The following NELL2 variants were observed in gnomAD, a reference collection of about 807,000 sequenced individuals.
NELL2 encodes protein kinase C-binding protein NELL2.
Under a neutral mutation model 109.6 loss-of-function variants are expected in NELL2, and 41 were observed. The observed-to-expected ratio is 0.37, with a 90% CI of 0.29 to 0.49. The LOEUF is 0.49. Among genes scored for constraint, NELL2 ranks in the 20% least tolerant of loss-of-function variants. The probability of loss-of-function intolerance (pLI) is 0.98; values close to 1 mark genes in which losing one functional copy is unlikely to be tolerated. For synonymous variants in NELL2, 355 were observed against 344.7 expected (o/e 1.03, Z -0.33); for missense variants, 900 against 1,008.3 (o/e 0.89, Z 1.45).
chr12:44,707,054 A>C (rs1001157198), intron 11 of NELL2, among the ~76,000 whole-genome samples: 12 of 152,342 alleles, frequency 7.9e-5, no homozygotes, highest in Non-Finnish European at 1.5e-5. Flanking sequence ...GTGAATATTT[A>C]TAGGTTTTGC....
chr12:44,589,252 A>G lies in NELL2; in HGVS notation c.1663+17917T>C, dbSNP rs17094822. Among the ~76,000 whole-genome samples, 1,275 of 148,482 alleles carry G rather than the reference A, an allele frequency of 8.6e-3. 13 individuals carry two copies. The highest frequency in any genetic ancestry group is 0.031 in the African/African-American group (1,195 of 39,044). On this transcript the variant is annotated intron_variant, in intron 15 of 19. Transcript: ENST00000429094. Reference sequence around the variant, plus strand: ...ATTTAAGCTTACACTCATTCCTCTCAGTCAGTCCAGTGGAAAAAAAAAAAA... The same window carrying G: ...ATTTAAGCTTACACTCATTCCTCTCGGTCAGTCCAGTGGAAAAAAAAAAAA...
chr12:44,919,198 A>C (rs1183130811), intron 1 of NELL2, among the ~76,000 whole-genome samples: 3 of 152,136 alleles, frequency 2.0e-5, no homozygotes, highest in Non-Finnish European at 4.4e-5. Context: ...AAAACTCCCT[A>C]AACCTCAGTT....
chr12:44,671,176 A>G (rs1393472142), intron 12 of NELL2, among the ~76,000 whole-genome samples: 1 of 152,192 alleles, frequency 6.6e-6, no homozygotes, highest in African/African-American at 2.4e-5. Context: ...ATTAAGCAAC[A>G]TGTTCCTGAG....
At chr12:44,512,951 C>A (rs1941067761) in intron 19 of NELL2, among the ~76,000 whole-genome samples, 1 of 151,828 alleles carries the variant, frequency 6.6e-6, no homozygotes, top group African/African-American at 2.4e-5. Flanking sequence ...GTTCAGAAAT[C>A]TAGAAGAAAG....
intron 15 of NELL2, among the ~76,000 whole-genome samples, chr12:44,569,473 T>C (rs1943781047): frequency 6.6e-6 from 1 of 152,136 alleles, no homozygotes; most frequent in Admixed American, 6.6e-5. Flanking sequence ...CTTGCCACAA[T>C]GGTTGAACTA....
rs1452907003 is a variant in NELL2, at chr12:44,713,215, C to CACAG, written c.1086+1434_1086+1435insCTGT. 2.7e-3 allele frequency among the ~76,000 whole-genome samples: 386 copies of CACAG among 143,282 alleles called. 1 individual carries two copies. The highest frequency in any genetic ancestry group is 0.017 in the South Asian group (76 of 4,510). 94.0% of individuals were successfully genotyped at this position (143,282 alleles called of 152,430 possible). Reference sequence around the variant, plus strand: ...ACACACACACACACACACACACACACAGAGAGAGACAGAGAGAGAGAGAGA... The same window carrying CACAG: ...ACACACACACACACACACACACACACACAGAGAGAGAGACAGAGAGAGAGAGAGA... On this transcript the variant is annotated intron_variant, in intron 10 of 19. Transcript: ENST00000429094.
chr12:44,734,671 G>A (rs1939546677), intron 9 of NELL2, among the ~76,000 whole-genome samples: 1 of 151,596 alleles, frequency 6.6e-6, no homozygotes, highest in African/African-American at 2.4e-5. Context: ...AATAACTTTA[G>A]GGTCCTTTGG....
At chr12:44,654,268 T>C (rs1287735830) in intron 13 of NELL2, among the ~76,000 whole-genome samples, 1 of 152,192 alleles carries the variant, frequency 6.6e-6, no homozygotes, top group African/African-American at 2.4e-5. Context: ...TGTGACAGCT[T>C]ATGGGTTTTT....
At chr12:44,677,210 A>T (rs370996556) in intron 12 of NELL2, among the ~76,000 whole-genome samples, 1 of 152,182 alleles carries the variant, frequency 6.6e-6, no homozygotes, top group East Asian at 1.9e-4. Flanking sequence ...AAAGTACTCA[A>T]TGCACCTAAT....
intron 13 of NELL2, among the ~76,000 whole-genome samples, chr12:44,622,736 C>T (rs564530706): frequency 1.3e-5 from 2 of 152,092 alleles, no homozygotes; most frequent in South Asian, 2.1e-4. Flanking sequence ...ATGATTCCTC[C>T]GATTTTAAAG....
intron 3 of NELL2, among the ~76,000 whole-genome samples, chr12:44,782,773 T>C (rs1566382890): frequency 6.6e-6 from 1 of 151,966 alleles, no homozygotes; most frequent in African/African-American, 2.4e-5. Flanking sequence ...ATTGAAAGAA[T>C]ACATGGTAAA....
intron 13 of NELL2, among the ~76,000 whole-genome samples, chr12:44,658,227 C>T (rs1261139796): frequency 6.6e-6 from 1 of 152,168 alleles, no homozygotes; most frequent in African/African-American, 2.4e-5. Flanking sequence ...CTCTTTTAAG[C>T]TGATAAGGAA....
At chr12:44,527,311 T>C (rs966624607) in intron 16 of NELL2, among the ~76,000 whole-genome samples, 1 of 152,170 alleles carries the variant, frequency 6.6e-6, no homozygotes, top group African/African-American at 2.4e-5. Flanking sequence ...AATATATTTA[T>C]GTGGAAAAAG....
intron 5 of NELL2, among the ~76,000 whole-genome samples, chr12:44,779,361 T>A (rs2136596687): frequency 6.6e-6 from 1 of 152,296 alleles, no homozygotes; most frequent in South Asian, 2.1e-4. Flanking sequence ...AGAGTTTATT[T>A]GTATGTTAAC....
intron 13 of NELL2, among the ~76,000 whole-genome samples, chr12:44,653,517 G>T (rs78486693): frequency 0.025 from 3,804 of 152,100 alleles, 141 homozygotes; most frequent in African/African-American, 0.082. Context: ...TGTTAGTTGT[G>T]GTAGTTCACT....
At chr12:44,902,381 G>A (rs576496661) in intron 1 of NELL2, among the ~76,000 whole-genome samples, 9 of 151,872 alleles carry the variant, frequency 5.9e-5, no homozygotes, top group Non-Finnish European at 1.2e-4. Flanking sequence ...ACTAAAAACC[G>A]CTGCTCAAGG....
chr12:44,707,753 A>G (rs1487259100), intron 11 of NELL2, among the ~76,000 whole-genome samples: 1 of 152,200 alleles, frequency 6.6e-6, no homozygotes, highest in Non-Finnish European at 1.5e-5. Context: ...CCGCTTAGGA[A>G]TAAAACTAAA....
intron 12 of NELL2, among the ~76,000 whole-genome samples, chr12:44,687,875 G>T (rs1592338066): frequency 1.3e-5 from 2 of 152,108 alleles, no homozygotes; most frequent in East Asian, 3.9e-4. Context: ...TTCCAGGGAG[G>T]CAATTTATTA....
At chr12:44,536,516 A>G (rs927853798) in intron 15 of NELL2, among the ~76,000 whole-genome samples, 1 of 152,018 alleles carries the variant, frequency 6.6e-6, no homozygotes, top group African/African-American at 2.4e-5. Flanking sequence ...TGGGGAAAAA[A>G]ATGTTATTAT....
Sources: gnomAD v4.1 joint callset for allele counts (sites outside exome capture counted in the v4.1 genomes callset) on GRCh38, gnomAD v4.1.1 for gene constraint, MANE v1.5 for transcripts, NCBI Gene and HGNC (gene_info 2026-07-23, HGNC 2026-07-21) for gene names.